Variants in NBEAL2 observed in about 807,000 individuals in gnomAD.
NBEAL2 encodes neurobeachin-like protein 2.
NBEAL2 carries 160 observed loss-of-function variants against 299.8 expected under a neutral mutation model. The observed-to-expected ratio is 0.53, with a 90% CI of 0.47 to 0.61. The LOEUF (loss-of-function observed/expected upper bound fraction) is 0.61. Among genes scored for constraint, NBEAL2 ranks in the 20% least tolerant of loss-of-function variants. The pLI, the probability that NBEAL2 is intolerant of heterozygous loss-of-function variation, is 0.00. For missense variants in NBEAL2, 3,112 were observed against 3,649.0 expected (o/e 0.85, Z 3.79); for synonymous variants, 1,493 against 1,542.3 (o/e 0.97, Z 0.75).
In NBEAL2 at chr3:47,009,147, G is replaced by A. The variant is rs1174705519; in HGVS notation, c.8163+23G>A. 8.8e-6 allele frequency: 9 copies of A among 1,022,098 alleles called. No homozygotes were observed. The African/African-American group carries it at 9.5e-5, about 11-fold the overall frequency. 63.3% of individuals were successfully genotyped at this position (1,022,098 alleles called of 1,614,324 possible). A position where few individuals can be genotyped will look rare whatever the true frequency, so the allele number is the denominator to read the frequency against. On this transcript the variant is annotated intron_variant, in intron 53 of 53. Transcript: ENST00000450053. ...GAGGTGAGGATGGGGCGGGGGTGGG[G>A]AGGCCCCTCGAACGGGGCGGGGCGT...
rs1199805866 is a variant in NBEAL2 at position 46,999,918 on chromosome 3, T to G, written c.3819T>G (p.Asp1273Glu). Residue 1273 changes from aspartate to glutamate, a missense_variant, in exon 27 of 54, where the codon GAT becomes GAG. Asp to Glu is a conservative substitution (Grantham distance 45). Around this residue, in one of 3 missense-constraint regions of NBEAL2, gnomAD observed 2,243 missense variants for 2,538.1 expected, o/e 0.88. Coordinates refer to ENST00000450053, the MANE Select transcript of NBEAL2 (RefSeq NM_015175.3). ...TCCACCTCATCTACGGACAGCCAGA[T>G]GTAGTGCGGCTTCTGGCCCGACAGG... ...QLFHLIYGQP[D>E]VVRLLARQAG... 6.2e-7 allele frequency: 1 copy of G among 1,610,088 alleles called. No homozygotes were observed. Among genetic ancestry groups the G allele is most frequent in the Non-Finnish European group, 8.5e-7 (1 of 1,177,802 alleles).
rs569083581 is a variant in NBEAL2, at chr3:46,984,487, G to A, written c.52-4182G>A. Among the ~76,000 whole-genome samples the A allele has an allele frequency of 3.4e-4, 52 of 152,276 alleles. No individual in the cohort carries two copies. The South Asian group carries it at 0.01, about 30-fold the overall frequency. On this transcript the variant is annotated intron_variant, in intron 1 of 53. Coordinates refer to ENST00000450053, the MANE Select transcript of NBEAL2 (RefSeq NM_015175.3). ...CCTCAGTTGTCCCTGCCCCAGCAAAGTCCCATCTTCCTGCTTCATCCCATG... is the reference window on the plus strand; with the variant it reads ...CCTCAGTTGTCCCTGCCCCAGCAAAATCCCATCTTCCTGCTTCATCCCATG...
intron 19 of NBEAL2, 57 bp from the exon 20 acceptor site, chr3:46,997,504 C>G: frequency 1.3e-6 from 2 of 1,586,816 alleles, no homozygotes; most frequent in Non-Finnish European, 1.7e-6. Context: ...TGCCCAAGGT[C>G]TCCTGGCCAC....
At chr3:47,008,031 C>T (rs201022327) in intron 49 of NBEAL2, 39 bp from the exon 50 acceptor site, 1 of 1,605,382 alleles carries the variant, frequency 6.2e-7, no homozygotes, top group Non-Finnish European at 8.5e-7. Flanking sequence ...TTTCCTGAGC[C>T]TCAGGGGACA....
intron 1 of NBEAL2, chr3:46,987,929 C>T (rs2035786830): frequency 8.4e-7 from 1 of 1,183,982 alleles, no homozygotes. Flanking sequence ...GGTCCCCCTC[C>T]CCCACCGTGA....
chr3:46,993,846 G>A (rs776587999), intron 10 of NBEAL2, 91 bp from the exon 11 acceptor site: 1 of 1,145,738 alleles, frequency 8.7e-7, no homozygotes, highest in African/African-American at 1.5e-5. Flanking sequence ...ATGCCTTGGG[G>A]TGCTTGGCTC....
chr3:46,993,394 G>A (rs1166101020), intron 10 of NBEAL2, among the ~76,000 whole-genome samples: 1 of 152,228 alleles, frequency 6.6e-6, no homozygotes, highest in African/African-American at 2.4e-5. Context: ...AGAGGCAGCA[G>A]CATGCCTCTG....
chr3:46,979,697 GCT>G lies in NBEAL2; in HGVS notation c.-162_-161del. 1 of 310,908 alleles carries G rather than the reference GCT, an allele frequency of 3.2e-6. No homozygotes were observed. Among genetic ancestry groups the G allele is most frequent in the Middle Eastern group, 9.0e-4 (1 of 1,112 alleles). 19.3% of individuals were successfully genotyped at this position (310,908 alleles called of 1,614,324 possible). Reference sequence around the variant, plus strand: ...GAGGAGGAGCGAGCAGACTTGGGTGGCTCTGCGCCGCGGAGGCCACAGCCGCA... The same window carrying G: ...GAGGAGGAGCGAGCAGACTTGGGTGGCTGCGCCGCGGAGGCCACAGCCGCA... On this transcript the variant is annotated 5_prime_UTR_variant, in exon 1 of 54. Coordinates refer to ENST00000450053, the MANE Select transcript of NBEAL2 (RefSeq NM_015175.3).
Position 47,004,531 on chromosome 3 carries a change from T to C in NBEAL2, c.6235T>C (p.Leu2079=), listed in dbSNP as rs746143893. Residue 2079 remains leucine, a synonymous_variant, in exon 38 of 54, where the codon TTG becomes CTG. Coordinates refer to ENST00000450053, the MANE Select transcript of NBEAL2 (RefSeq NM_015175.3). This position sits in a 1 kb window ranked among gnomAD's most constrained non-coding sequence, Gnocchi z 5.0. ...VQREISNFEY[L]MQLNTIAGRT... ...GCGTGAGATATCCAACTTCGAGTAC[T>C]TGATGCAACTCAACACCATTGCGGG... 36 of 1,613,674 alleles carry C rather than the reference T, an allele frequency of 2.2e-5. No individual in the cohort carries two copies. Among genetic ancestry groups the C allele is most frequent in the Non-Finnish European group, 3.1e-5 (36 of 1,179,844 alleles).
chr3:46,998,805 A>G lies in NBEAL2; in HGVS notation c.3310A>G (p.Ser1104Gly), dbSNP rs2036716242. 2 of 1,567,554 alleles carry G rather than the reference A, an allele frequency of 1.3e-6. No homozygotes were observed. The highest frequency in any genetic ancestry group is 1.7e-6 in the Non-Finnish European group (2 of 1,156,374). ...LGLAREFLVR[S>G]LSADDVQVTQ... The stretch of plus-strand genomic sequence containing the variant: ...CCTGGCGAGGGAGTTCCTGGTGCGG[A>G]GTCTCTCAGCAGATGACGTGCAGGT... Residue 1104 changes from serine (S) to glycine (G), a missense_variant, in exon 23 of 54, where the codon AGT (serine) becomes GGT (glycine). Around this residue, in one of 3 missense-constraint regions of NBEAL2, gnomAD observed 2,243 missense variants for 2,538.1 expected, o/e 0.88. Coordinates refer to ENST00000450053, the MANE Select transcript of NBEAL2 (RefSeq NM_015175.3).
chr3:47,003,309 C>G lies in NBEAL2; in HGVS notation c.5720C>G (p.Pro1907Arg), dbSNP rs752235199. 44 of 1,611,850 alleles carry G rather than the reference C, an allele frequency of 2.7e-5. No homozygotes were observed. Among genetic ancestry groups the G allele is most frequent in the South Asian group, 3.3e-5 (3 of 90,948 alleles). ...GEDELAELETPMEAAELDEQR... is the reference protein window; with the variant it reads ...GEDELAELETRMEAAELDEQR... ...GACGAGCTGGCTGAGCTGGAGACCC[C>G]GTGAGTGGGGCCCTGGAGAGATTGG... is the stretch of plus-strand genomic sequence containing the variant. Residue 1907 changes from proline (P) to arginine (R), a missense_variant and splice_region_variant, in exon 35 of 54, where the codon CCG (proline) becomes CGG (arginine). Pro to Arg is a moderately radical substitution (Grantham distance 103). Around this residue, in one of 3 missense-constraint regions of NBEAL2, gnomAD observed 2,243 missense variants for 2,538.1 expected, o/e 0.88. Coordinates refer to ENST00000450053, the MANE Select transcript of NBEAL2 (RefSeq NM_015175.3). The surrounding 1 kb of genome is among the most constrained non-coding windows in gnomAD (Gnocchi z 7.0).
chr3:46,995,735 A>G lies in NBEAL2; in HGVS notation c.1920A>G (p.Ser640=). ...QLYSFFTSSG[S]GFEAFFTAAG... ...CCAGCTTCTTTACCAGCAGCGGCTC[A>G]GGGTTTGAGGCCTTCTTCACGGCGG... The change falls in exon 14 of 54, where the codon TCA becomes TCG. Residue 640 remains serine, a synonymous_variant. Coordinates refer to ENST00000450053, the MANE Select transcript of NBEAL2 (RefSeq NM_015175.3). The G allele has an allele frequency of 1.2e-6, 2 of 1,613,640 alleles. No homozygotes were observed. Among genetic ancestry groups the G allele is most frequent in the Non-Finnish European group, 1.7e-6 (2 of 1,179,802 alleles).
Position 46,989,184 on chromosome 3 carries a change from T to C in NBEAL2, c.351+18T>C, listed in dbSNP as rs763411353. The stretch of plus-strand genomic sequence containing the variant: ...TGGCGGAGGTGAAGTGGCCTCTACC[T>C]TGGGGGGCAGAGGGTGTATGCAGGG... On this transcript the variant is annotated intron_variant, in intron 4 of 53. Coordinates refer to ENST00000450053, the MANE Select transcript of NBEAL2 (RefSeq NM_015175.3). This position sits in a 1 kb window ranked among gnomAD's most constrained non-coding sequence, Gnocchi z 5.5. The C allele has an allele frequency of 1.9e-6, 3 of 1,613,650 alleles. No individual in the cohort carries two copies. The highest frequency in any genetic ancestry group is 2.5e-6 in the Non-Finnish European group (3 of 1,179,756).
rs199793945 is a variant in NBEAL2, at chr3:46,995,467, C to T, written c.1732C>T (p.Leu578=). The T allele has an allele frequency of 6.3e-5, 101 of 1,612,906 alleles. No individual in the cohort carries two copies. The East Asian group carries it at 2.2e-3, about 35-fold the overall frequency. ...MARHQGPARA[L]RYFDLTPSMA... is the part of the protein sequence containing the mutation. Reference sequence around the variant, plus strand: ...CAGGCACCAGGGTCCTGCACGTGCTCTGCGCTACTTTGACCTCACGCCCAG... The same window carrying T: ...CAGGCACCAGGGTCCTGCACGTGCTTTGCGCTACTTTGACCTCACGCCCAG... The change falls in exon 13 of 54, where the codon CTG becomes TTG. Residue 578 remains leucine, a synonymous_variant. Coordinates refer to ENST00000450053, the MANE Select transcript of NBEAL2 (RefSeq NM_015175.3).
chr3:47,007,791 C>A (rs2037567383), intron 48 of NBEAL2, 25 bp from the exon 49 acceptor site: 2 of 1,610,770 alleles, frequency 1.2e-6, no homozygotes, highest in Admixed American at 3.4e-5. Context: ...CTCCGTTCTG[C>A]CTGTACCCTC....
chr3:46,994,078 A>G (rs1238858119), intron 11 of NBEAL2, 58 bp downstream of exon 11: 1 of 1,511,576 alleles, frequency 6.6e-7, no homozygotes, highest in Non-Finnish European at 9.0e-7. Flanking sequence ...AACTGACCAT[A>G]TCCCCAGAAC....
intron 10 of NBEAL2, among the ~76,000 whole-genome samples, chr3:46,993,167 C>T (rs963599409): frequency 2.0e-4 from 30 of 152,224 alleles, no homozygotes; most frequent in African/African-American, 5.3e-4. Flanking sequence ...AGAGCTTACA[C>T]GTCTATTCAT....
At position 47,005,340 on chromosome 3, in the gene NBEAL2, T is replaced by C; in HGVS notation, c.6560+19T>C. Reference sequence around the variant, plus strand: ...GTGGCCGGTGCGGCCCAGGGGCTGGTGGGCAGACTAGGGGGCAGATAAGGG... The same window carrying C: ...GTGGCCGGTGCGGCCCAGGGGCTGGCGGGCAGACTAGGGGGCAGATAAGGG... On this transcript the variant is annotated intron_variant, in intron 40 of 53. Transcript: ENST00000450053. 1 of 1,606,272 alleles carries C rather than the reference T, an allele frequency of 6.2e-7. No individual in the cohort carries two copies. The highest frequency in any genetic ancestry group is 8.5e-7 in the Non-Finnish European group (1 of 1,176,864).
Position 46,992,542 on chromosome 3 carries a change from C to T in NBEAL2, c.1100C>T (p.Pro367Leu). ...CTGGCTACCCGGTTACTGACTGAGCCCGATGTCCAAAAGGTACCATCCTGG... is the reference window on the plus strand; with the variant it reads ...CTGGCTACCCGGTTACTGACTGAGCTCGATGTCCAAAAGGTACCATCCTGG... ...SDLATRLLTE[P>L]DVQKVLDQDT... The change falls in exon 10 of 54, where the codon CCC becomes CTC. Residue 367 changes from proline (P) to leucine (L), a missense_variant. Physicochemically the swap from Pro to Leu is moderately conservative, Grantham distance 98 (BLOSUM62 -3). This residue lies in a region of NBEAL2 where 2,243 missense variants were observed against 2,538.1 expected (regional missense o/e 0.88). Coordinates refer to ENST00000450053, the MANE Select transcript of NBEAL2 (RefSeq NM_015175.3). 1 of 1,598,960 alleles carries T rather than the reference C, an allele frequency of 6.3e-7. No individual in the cohort carries two copies. The highest frequency in any genetic ancestry group is 1.7e-5 in the Admixed American group (1 of 58,254).
Sources: allele counts gnomAD v4.1 joint callset (sites outside exome capture counted in the v4.1 genomes callset), GRCh38; gene constraint gnomAD v4.1.1; regional missense constraint gnomAD v4.1.1; non-coding constraint Gnocchi (gnomAD v3.1); transcripts MANE v1.5; gene names NCBI Gene and HGNC (gene_info 2026-07-23, HGNC 2026-07-21).